TAFA4: variants seen among roughly 807,000 people sequenced by gnomAD.
TAFA4 encodes chemokine-like protein TAFA-4.
A neutral mutation model predicts 21.1 loss-of-function variants in TAFA4; 20 were observed. The ratio of observed to expected loss-of-function variants is 0.95; its 90% CI spans 0.67 to 1.38. The LOEUF (loss-of-function observed/expected upper bound fraction) is 1.38, where lower values mean the gene tolerates loss of function less well. Ranked by LOEUF, TAFA4 falls within the 40% of genes most tolerant of loss-of-function variation. The pLI is 0.00. For missense variants in TAFA4, 211 were observed against 180.9 expected (o/e 1.17, Z -0.95); for synonymous variants, 71 against 67.4 (o/e 1.05, Z -0.26).
chr3:68,733,542 TTA>T (rs1491559841), intron 5 of TAFA4, among the ~76,000 whole-genome samples: 11 of 152,318 alleles, frequency 7.2e-5, no homozygotes, highest in African/African-American at 2.4e-4. Context: ...GTTGCCTTTT[TTA>T]TGTTATTTTT....
intron 3 of TAFA4, among the ~76,000 whole-genome samples, chr3:68,840,689 G>A (rs1408641634): frequency 1.3e-5 from 2 of 152,146 alleles, no homozygotes; most frequent in Non-Finnish European, 2.9e-5. Context: ...CCATGGAGAA[G>A]GAATAAAGCC....
chr3:68,888,696 A>G (rs1281286266), intron 1 of TAFA4, among the ~76,000 whole-genome samples: 1 of 152,084 alleles, frequency 6.6e-6, no homozygotes, highest in African/African-American at 2.4e-5. Flanking sequence ...CCTTCTTGCT[A>G]CATTATCCCA....
At chr3:68,869,181 G>A (rs1482476878) in intron 3 of TAFA4, among the ~76,000 whole-genome samples, 1 of 151,830 alleles carries the variant, frequency 6.6e-6, no homozygotes, top group East Asian at 1.9e-4. Context: ...AACTCAAACA[G>A]ATCAATAACA....
At chr3:68,842,144 C>T (rs1463782347) in intron 3 of TAFA4, among the ~76,000 whole-genome samples, 1 of 152,208 alleles carries the variant, frequency 6.6e-6, no homozygotes, top group Non-Finnish European at 1.5e-5. Flanking sequence ...AGTAGTTGAA[C>T]TAATTTACAC....
chr3:68,810,148 G>A (rs1703800613), intron 3 of TAFA4, among the ~76,000 whole-genome samples: 1 of 152,338 alleles, frequency 6.6e-6, no homozygotes, highest in East Asian at 1.9e-4. Flanking sequence ...CATGGAATCT[G>A]TACATTGCTT....
intron 3 of TAFA4, among the ~76,000 whole-genome samples, chr3:68,758,191 C>T (rs1702694258): frequency 6.6e-6 from 1 of 152,128 alleles, no homozygotes; most frequent in Non-Finnish European, 1.5e-5. Flanking sequence ...GCTCAGTTTC[C>T]CACTGACAAC....
chr3:68,759,229 C>A (rs943823353), intron 3 of TAFA4, among the ~76,000 whole-genome samples: 1 of 152,198 alleles, frequency 6.6e-6, no homozygotes, highest in Non-Finnish European at 1.5e-5. Context: ...ATGAGGCCCA[C>A]CTACATTTGA....
intron 3 of TAFA4, among the ~76,000 whole-genome samples, chr3:68,806,675 G>T (rs1439009614): frequency 1.3e-5 from 2 of 152,104 alleles, no homozygotes; most frequent in Admixed American, 6.5e-5. Flanking sequence ...ACTTCTGGGA[G>T]GTAATTAGAA....
intron 3 of TAFA4, among the ~76,000 whole-genome samples, chr3:68,775,608 CG>C: frequency 6.6e-6 from 1 of 152,158 alleles, no homozygotes. Context: ...GCAGGGTGTT[CG>C]GGGTTTGCTC....
chr3:68,846,587 G>T (rs997188322), intron 3 of TAFA4, among the ~76,000 whole-genome samples: 4 of 152,126 alleles, frequency 2.6e-5, no homozygotes, highest in African/African-American at 9.7e-5. Flanking sequence ...TCCTTTGAAA[G>T]AGAAGAGGCA....
chr3:68,892,863 A>G (rs895163797), intron 1 of TAFA4, among the ~76,000 whole-genome samples: 3 of 152,242 alleles, frequency 2.0e-5, no homozygotes, highest in Non-Finnish European at 4.4e-5. Flanking sequence ...GTAATAATGA[A>G]TAACTGAGAT....
At chr3:68,873,292 GAAAC>G (rs1559550079) in intron 3 of TAFA4, among the ~76,000 whole-genome samples, 1 of 148,378 alleles carries the variant, frequency 6.7e-6, no homozygotes, top group African/African-American at 2.5e-5. Context: ...AAGACAAATA[GAAAC>G]AGACACAGAC....
chr3:68,799,721 T>G (rs746284487), intron 3 of TAFA4, among the ~76,000 whole-genome samples: 5 of 142,508 alleles, frequency 3.5e-5, no homozygotes, highest in African/African-American at 1.3e-4. Context: ...GGAATGAAGA[T>G]AGCCTCTAGA....
At chr3:68,899,773 G>C (rs1255764406) in intron 1 of TAFA4, among the ~76,000 whole-genome samples, 3 of 152,042 alleles carry the variant, frequency 2.0e-5, no homozygotes, top group Non-Finnish European at 4.4e-5. Context: ...CAAGAGACTA[G>C]GGAGAATGAC....
At chr3:68,886,970 A>C (rs1279036369) in intron 1 of TAFA4, among the ~76,000 whole-genome samples, 3 of 152,198 alleles carry the variant, frequency 2.0e-5, no homozygotes, top group African/African-American at 7.2e-5. Flanking sequence ...TTACATACAA[A>C]ATATATTCAT....
intron 1 of TAFA4, among the ~76,000 whole-genome samples, chr3:68,897,182 G>C (rs2106976142): frequency 6.6e-6 from 1 of 152,192 alleles, no homozygotes; most frequent in East Asian, 1.9e-4. Context: ...GATTACAGGT[G>C]TGAGCCACCA....
At chr3:68,749,882 T>G (rs887639925) in intron 4 of TAFA4, among the ~76,000 whole-genome samples, 1 of 152,106 alleles carries the variant, frequency 6.6e-6, no homozygotes, top group African/African-American at 2.4e-5. Flanking sequence ...TAGCCACGGG[T>G]GGCTAATGGC....
At chr3:68,756,566 T>C (rs1460420096) in intron 3 of TAFA4, among the ~76,000 whole-genome samples, 1 of 152,216 alleles carries the variant, frequency 6.6e-6, no homozygotes, top group Non-Finnish European at 1.5e-5. Context: ...TTATTCTGAA[T>C]GTTTTCTGGA....
chr3:68,912,588 A>C (rs1367082437), intron 1 of TAFA4, among the ~76,000 whole-genome samples: 1 of 152,228 alleles, frequency 6.6e-6, no homozygotes, highest in East Asian at 1.9e-4. Flanking sequence ...CCGTTAATCA[A>C]GTCTTACTCA....
Sources: allele counts gnomAD v4.1 joint callset (sites outside exome capture counted in the v4.1 genomes callset), GRCh38; gene constraint gnomAD v4.1.1; transcripts MANE v1.5; gene names NCBI Gene and HGNC (gene_info 2026-07-23, HGNC 2026-07-21).